Variants in CMIP observed in about 807,000 individuals in gnomAD.
CMIP encodes C-Maf-inducing protein.
In CMIP, 13 loss-of-function variants were observed where a neutral mutation model predicts 97.3. The ratio of observed to expected loss-of-function variants is 0.13; its 90% CI spans 0.09 to 0.21. CMIP has a LOEUF of 0.21. Among genes scored for constraint, CMIP ranks in the 10% least tolerant of loss-of-function variants. The probability of loss-of-function intolerance (pLI) is 1.00; values close to 1 mark genes in which losing one functional copy is unlikely to be tolerated. For missense variants in CMIP, 847 were observed against 1,024.9 expected (o/e 0.83, Z 2.37); for synonymous variants, 538 against 436.3 (o/e 1.23, Z -2.91).
chr16:81,674,809 C>T (rs1261259770), intron 9 of CMIP, among the ~76,000 whole-genome samples: 2 of 151,974 alleles, frequency 1.3e-5, no homozygotes, highest in Non-Finnish European at 2.9e-5. Flanking sequence ...TGGTCTCGAA[C>T]TCCTGACCTC....
chr16:81,604,752 C>T (rs1001747643), intron 1 of CMIP, among the ~76,000 whole-genome samples: 2 of 152,130 alleles, frequency 1.3e-5, no homozygotes, highest in African/African-American at 4.8e-5. Context: ...CAACCTTTCC[C>T]TAAAAAGCCT....
At chr16:81,576,594 G>T (rs1426777719) in intron 1 of CMIP, among the ~76,000 whole-genome samples, 2 of 152,130 alleles carry the variant, frequency 1.3e-5, no homozygotes, top group Non-Finnish European at 2.9e-5. Flanking sequence ...TCAGGGATAC[G>T]TAGCCAATGA....
At chr16:81,662,716 GT>G (rs1441338300) in intron 6 of CMIP, among the ~76,000 whole-genome samples, 4 of 152,212 alleles carry the variant, frequency 2.6e-5, no homozygotes, top group African/African-American at 9.7e-5. Context: ...TGATACATGT[GT>G]GCAGGACACG....
rs145667450 is a variant in CMIP, at chr16:81,467,087, G to A, written c.300+21546G>A. ...ACAAGGATCTTCTTGGGCTCTAGAA[G>A]TTTTTTTTAGTTGAGCGAGTTTCCA... is the stretch of plus-strand genomic sequence containing the variant. On this transcript the variant is annotated intron_variant, in intron 1 of 20. Transcript: ENST00000537098. 3.9e-3 allele frequency among the ~76,000 whole-genome samples: 590 copies of A among 152,248 alleles called. 3 individuals are homozygous for A. Among genetic ancestry groups the A allele is most frequent in the African/African-American group, 0.014 (564 of 41,544 alleles).
intron 2 of CMIP, chr16:81,617,683 C>G (rs573646893): frequency 6.6e-6 from 1 of 152,318 alleles, no homozygotes; most frequent in Non-Finnish European, 1.5e-5. Context: ...TGTGTTCATT[C>G]GTTCCAGTGT....
Position 81,670,263 on chromosome 16 carries a change from C to A in CMIP, c.929+18C>A, listed in dbSNP as rs762914106. 3 of 1,594,984 alleles carry A rather than the reference C, an allele frequency of 1.9e-6. No homozygotes were observed. In the South Asian group the frequency reaches 3.4e-5, roughly 18 times the overall value. On this transcript the variant is annotated intron_variant, in intron 8 of 20. Transcript: ENST00000537098. ...ATTCAGAGGTGGGTCTCCGGCGCGACGTCCCTCTGTGGCCTAGGAGCCACT... is the reference window on the plus strand; with the variant it reads ...ATTCAGAGGTGGGTCTCCGGCGCGAAGTCCCTCTGTGGCCTAGGAGCCACT...
intron 1 of CMIP, among the ~76,000 whole-genome samples, chr16:81,532,318 C>T (rs1360225577): frequency 6.6e-6 from 1 of 152,176 alleles, no homozygotes; most frequent in Non-Finnish European, 1.5e-5. Flanking sequence ...CCTGCGTGTG[C>T]GTGTATGTTC....
intron 1 of CMIP, among the ~76,000 whole-genome samples, chr16:81,600,596 G>A (rs2091641965): frequency 6.6e-6 from 1 of 152,220 alleles, no homozygotes; most frequent in African/African-American, 2.4e-5. Context: ...TGGGGTAGCA[G>A]GGAGTGACGA....
chr16:81,458,402 C>T (rs1209519636), intron 1 of CMIP, among the ~76,000 whole-genome samples: 1 of 152,110 alleles, frequency 6.6e-6, no homozygotes, highest in Non-Finnish European at 1.5e-5. Flanking sequence ...TTCTGTTGCC[C>T]CCAGTGGTAA....
rs958027389 is a variant in CMIP at position 81,453,593 on chromosome 16, C to T, written c.300+8052C>T. Among the ~76,000 whole-genome samples the T allele has an allele frequency of 1.3e-5, 2 of 152,350 alleles. No homozygotes were observed. Among genetic ancestry groups the T allele is most frequent in the Admixed American group, 1.3e-4 (2 of 15,312 alleles). On this transcript the variant is annotated intron_variant, in intron 1 of 20. Transcript: ENST00000537098. This position sits in a 1 kb window ranked among gnomAD's most constrained non-coding sequence, Gnocchi z 4.0. ...CTAGGTGACCCTGTTTACCAACACA[C>T]ACACCGGTGCGAGGCTCTGCAGGGA... is the stretch of plus-strand genomic sequence containing the variant.
chr16:81,556,772 T>C (rs1363156886), intron 1 of CMIP, among the ~76,000 whole-genome samples: 3 of 152,210 alleles, frequency 2.0e-5, no homozygotes, highest in African/African-American at 7.2e-5. Context: ...ATACACACAA[T>C]TGTACATCAC....
At chr16:81,608,329 A>C (rs1413317574) in intron 2 of CMIP, among the ~76,000 whole-genome samples, 3 of 152,176 alleles carry the variant, frequency 2.0e-5, no homozygotes, top group Non-Finnish European at 4.4e-5. Flanking sequence ...TCCGGGGGTC[A>C]GATGACATCA....
intron 1 of CMIP, among the ~76,000 whole-genome samples, chr16:81,527,181 G>A (rs2090148904): frequency 6.6e-6 from 1 of 152,204 alleles, no homozygotes; most frequent in Non-Finnish European, 1.5e-5. Flanking sequence ...AGGGGGTGCT[G>A]GGTAACAAGA....
At chr16:81,544,621 C>T (rs1189341135) in intron 1 of CMIP, among the ~76,000 whole-genome samples, 2 of 149,434 alleles carry the variant, frequency 1.3e-5, no homozygotes, top group Non-Finnish European at 1.5e-5. Context: ...CACAGGGGTG[C>T]ATGTGTGCAT....
chr16:81,575,984 G>A (rs180777498), intron 1 of CMIP, among the ~76,000 whole-genome samples: 93 of 152,272 alleles, frequency 6.1e-4, no homozygotes, highest in African/African-American at 2.0e-3. Context: ...GCCTGGTTGC[G>A]CTAAGCAGTC....
intron 1 of CMIP, among the ~76,000 whole-genome samples, chr16:81,485,364 C>T (rs1157758290): frequency 1.3e-5 from 2 of 152,224 alleles, no homozygotes; most frequent in African/African-American, 2.4e-5. Context: ...GCTATTTCTA[C>T]CTTTTGTTTT....
chr16:81,471,216 A>G (rs1486599962), intron 1 of CMIP, among the ~76,000 whole-genome samples: 4 of 151,624 alleles, frequency 2.6e-5, no homozygotes, highest in South Asian at 2.1e-4. Context: ...GCACACACAT[A>G]CATGTACACA....
intron 1 of CMIP, among the ~76,000 whole-genome samples, chr16:81,457,954 C>G (rs1048241814): frequency 6.6e-6 from 1 of 152,270 alleles, no homozygotes; most frequent in African/African-American, 2.4e-5. Flanking sequence ...TGACCTCCCC[C>G]TCGCTGTCCC....
At chr16:81,659,631 C>T (rs2092523237) in intron 5 of CMIP, among the ~76,000 whole-genome samples, 1 of 152,206 alleles carries the variant, frequency 6.6e-6, no homozygotes, top group Non-Finnish European at 1.5e-5. Context: ...CCAGCAACAC[C>T]TGTGGGTCCC....
Sources: allele counts gnomAD v4.1 joint callset (sites outside exome capture counted in the v4.1 genomes callset), GRCh38; gene constraint gnomAD v4.1.1; non-coding constraint Gnocchi (gnomAD v3.1); transcripts MANE v1.5; gene names NCBI Gene and HGNC (gene_info 2026-07-23, HGNC 2026-07-21).